The following MYO18A variants were observed in gnomAD, a reference collection of about 807,000 sequenced individuals.
The protein encoded by MYO18A is unconventional myosin-XVIIIa.
Under a neutral mutation model 235.8 loss-of-function variants are expected in MYO18A, and 78 were observed. The ratio of observed to expected loss-of-function variants is 0.33; its 90% CI spans 0.28 to 0.40. The LOEUF (loss-of-function observed/expected upper bound fraction) is 0.40, where lower values mean the gene tolerates loss of function less well. MYO18A is among the 10% of genes least tolerant of loss of function. The pLI is 1.00. For synonymous variants in MYO18A, 977 were observed against 1,077.8 expected (o/e 0.91, Z 1.83); for missense variants, 2,215 against 2,699.3 (o/e 0.82, Z 3.98).
At chr17:29,146,518 G>T (rs1314426696) in intron 2 of MYO18A, among the ~76,000 whole-genome samples, 1 of 152,150 alleles carries the variant, frequency 6.6e-6, no homozygotes, top group African/African-American at 2.4e-5. Flanking sequence ...CCCAGCACAT[G>T]ACTTCGCCCT....
chr17:29,075,943 T>C (rs1262621771), intron 41 of MYO18A: 7 of 154,122 alleles, frequency 4.5e-5, no homozygotes, highest in Non-Finnish European at 4.4e-5. Context: ...AGGAGTTCCA[T>C]GTTCCCTGCT....
At position 29,121,138 on chromosome 17, in the gene MYO18A, T is replaced by C. The variant is rs1215698575; in HGVS notation, c.1445A>G (p.Tyr482Cys). ...PHIYAVAQTA[Y>C]RAMLMSRQDQ... is the part of the protein sequence containing the mutation. Reference sequence around the variant, plus strand: ...CTGACGGCTCATCAGCATCGCCCTGTATGCGGTCTGGGCCACTGCATAGAT... The same window carrying C: ...CTGACGGCTCATCAGCATCGCCCTGCATGCGGTCTGGGCCACTGCATAGAT... Residue 482 changes from tyrosine (Y) to cysteine (C), a missense_variant, in exon 6 of 42, where the codon TAC (tyrosine) becomes TGC (cysteine). By Grantham distance (194) the Tyr-to-Cys change is radical. Coordinates refer to ENST00000527372, the MANE Select transcript of MYO18A (RefSeq NM_078471.4). This position sits in a 1 kb window ranked among gnomAD's most constrained non-coding sequence, Gnocchi z 4.2. 25 of 1,610,990 alleles carry C rather than the reference T, an allele frequency of 1.6e-5. No individual in the cohort carries two copies. Among genetic ancestry groups the C allele is most frequent in the Middle Eastern group, 1.6e-4 (1 of 6,082 alleles).
intron 1 of MYO18A, among the ~76,000 whole-genome samples, chr17:29,173,153 G>A (rs948331470): frequency 6.6e-6 from 1 of 150,484 alleles, no homozygotes; most frequent in East Asian, 2.0e-4. Context: ...GGAGTGCAAT[G>A]GCCCGATTTC....
chr17:29,087,488 G>C (rs760854625), intron 37 of MYO18A, among the ~76,000 whole-genome samples: 1 of 152,152 alleles, frequency 6.6e-6, no homozygotes, highest in African/African-American at 2.4e-5. Flanking sequence ...AGGGCTTCCC[G>C]CAGGGACTCT....
At chr17:29,084,609 A>G (rs114994371) in intron 40 of MYO18A, among the ~76,000 whole-genome samples, 2 of 152,112 alleles carry the variant, frequency 1.3e-5, no homozygotes, top group African/African-American at 4.8e-5. Flanking sequence ...GAACAAACAA[A>G]CGGAGACAGA....
chr17:29,118,403 C>T lies in MYO18A; in HGVS notation c.1867G>A (p.Val623Met). ...LHLNHLAENN[V>M]FGIVPLAKPE... ...TTGGCCAGTGGCACAATCCCAAACACATTGTTCTCTGCCAAGTGGTTGAGG... is the reference window on the plus strand; with the variant it reads ...TTGGCCAGTGGCACAATCCCAAACATATTGTTCTCTGCCAAGTGGTTGAGG... The change falls in exon 9 of 42, where the codon GTG becomes ATG. Residue 623 changes from valine (V) to methionine (M), a missense_variant. Transcript: ENST00000527372. This position sits in a 1 kb window ranked among gnomAD's most constrained non-coding sequence, Gnocchi z 4.2. 6.2e-7 allele frequency: 1 copy of T among 1,607,328 alleles called. No individual in the cohort carries two copies. Among genetic ancestry groups the T allele is most frequent in the Non-Finnish European group, 8.5e-7 (1 of 1,174,940 alleles).
intron 2 of MYO18A, among the ~76,000 whole-genome samples, chr17:29,163,771 C>T (rs1250326570): frequency 6.6e-6 from 1 of 152,242 alleles, no homozygotes; most frequent in African/African-American, 2.4e-5. Context: ...TGCTGTGGTT[C>T]AGCAGGGAGC....
chr17:29,080,308 G>A, intron 41 of MYO18A: 2 of 986,120 alleles, frequency 2.0e-6, no homozygotes, highest in Non-Finnish European at 2.4e-6. Context: ...ACGGCTGACG[G>A]AGCGGACGCT....
chr17:29,098,924 T>A lies in MYO18A; in HGVS notation c.3682A>T (p.Asn1228Tyr), dbSNP rs1368930968. Residue 1228 changes from asparagine (N) to tyrosine (Y), a missense_variant, in exon 23 of 42, where the codon AAC (asparagine) becomes TAC (tyrosine). Coordinates refer to ENST00000527372, the MANE Select transcript of MYO18A (RefSeq NM_078471.4). ...CAGGGCCAGTCCTTCACCCCTTTGT[T>A]CTTCTTGATGTTCTTCTGTACACAG... ...IRCVQKNIKKNKGVKDWPWWK... is the reference protein window; with the variant it reads ...IRCVQKNIKKYKGVKDWPWWK... 6.2e-7 allele frequency: 1 copy of A among 1,613,876 alleles called. No individual in the cohort carries two copies. The highest frequency in any genetic ancestry group is 8.5e-7 in the Non-Finnish European group (1 of 1,179,858).
Position 29,111,948 on chromosome 17 carries a change from C to T in MYO18A, c.2599-85G>A, listed in dbSNP as rs980296908. On this transcript the variant is annotated intron_variant, in intron 15 of 41. Coordinates refer to ENST00000527372, the MANE Select transcript of MYO18A (RefSeq NM_078471.4). The surrounding 1 kb of genome is among the most constrained non-coding windows in gnomAD (Gnocchi z 5.1). ...TGGTGCCGGGCCCAAACACACCCTACAGAATGCTACACATGTGCACACATG... is the reference window on the plus strand; with the variant it reads ...TGGTGCCGGGCCCAAACACACCCTATAGAATGCTACACATGTGCACACATG... The T allele has an allele frequency of 8.7e-6, 13 of 1,493,166 alleles. No individual in the cohort carries two copies. In the African/African-American group the frequency reaches 1.7e-4, roughly 19 times the overall value. The allele number at this position is 1,493,166 out of a possible 1,614,324, so 92.5% of individuals were successfully genotyped here.
intron 37 of MYO18A, among the ~76,000 whole-genome samples, chr17:29,088,408 A>T (rs2066313297): frequency 6.6e-6 from 1 of 151,994 alleles, no homozygotes; most frequent in African/African-American, 2.4e-5. Context: ...GAGAACTGTG[A>T]CCCCGCCTTG....
Position 29,125,854 on chromosome 17 carries a change from C to G in MYO18A, c.1000-3601G>C, listed in dbSNP as rs568004097. On this transcript the variant is annotated intron_variant, in intron 2 of 41. Transcript: ENST00000527372. The surrounding 1 kb of genome is among the most constrained non-coding windows in gnomAD (Gnocchi z 5.1). ...CCTGCCGCCAGCCTCAGGAAGAGGG[C>G]GGCCAGGGACTGGGACCCACACACA... 1.0e-6 allele frequency: 1 copy of G among 966,838 alleles called. No individual in the cohort carries two copies. The highest frequency in any genetic ancestry group is 6.2e-5 in the Admixed American group (1 of 16,242). 59.9% of individuals were successfully genotyped at this position (966,838 alleles called of 1,614,324 possible). A position where few individuals can be genotyped will look rare whatever the true frequency, so the allele number is the denominator to read the frequency against.
intron 2 of MYO18A, chr17:29,128,643 C>A: frequency 1.1e-6 from 1 of 924,582 alleles, no homozygotes; most frequent in East Asian, 6.7e-5. Flanking sequence ...CGCCCTGGAA[C>A]AGATCTCCCA....
chr17:29,142,980 G>T (rs56179818), intron 2 of MYO18A, among the ~76,000 whole-genome samples: 4,752 of 152,186 alleles, frequency 0.031, 175 homozygotes, highest in African/African-American at 0.088. Flanking sequence ...GCTAATTTTT[G>T]TATTTTTAGT....
At position 29,092,327 on chromosome 17, in the gene MYO18A, C is replaced by G; in HGVS notation, c.5187+16G>C. ...TCAGCCCCCCGAGCTCTGCCCCGGGCACCTTGGCCCCTCACCGCTGTCTTG... is the reference window on the plus strand; with the variant it reads ...TCAGCCCCCCGAGCTCTGCCCCGGGGACCTTGGCCCCTCACCGCTGTCTTG... On this transcript the variant is annotated intron_variant, in intron 34 of 41. Transcript: ENST00000527372. 3 of 1,599,018 alleles carry G rather than the reference C, an allele frequency of 1.9e-6. No individual in the cohort carries two copies. The highest frequency in any genetic ancestry group is 2.6e-6 in the Non-Finnish European group (3 of 1,172,908).
intron 41 of MYO18A, chr17:29,080,787 C>T: frequency 3.0e-6 from 3 of 985,496 alleles, no homozygotes; most frequent in Non-Finnish European, 3.6e-6. Flanking sequence ...GCTCCTCGGA[C>T]TTCCTGCCTG....
In MYO18A at chr17:29,178,244, G is replaced by A. The variant is rs577077325; in HGVS notation, c.-82+2069C>T. Among the ~76,000 whole-genome samples the A allele has an allele frequency of 3.3e-5, 5 of 152,268 alleles. No individual in the cohort carries two copies. In the East Asian group the frequency reaches 9.7e-4, roughly 29 times the overall value. ...CACATGAGGAAAGTCTGGGGCGCAG[G>A]AGGAAGCCCTCAGGCACACACTCTG... On this transcript the variant is annotated intron_variant, in intron 1 of 41. Transcript: ENST00000527372.
intron 12 of MYO18A, 69 bp from the exon 13 acceptor site, chr17:29,115,510 T>C: frequency 6.5e-7 from 1 of 1,549,862 alleles, no homozygotes; most frequent in Non-Finnish European, 8.8e-7. Context: ...GCCCCTGACC[T>C]GCCCAGGGCC....
At chr17:29,134,214 G>A (rs1029163139) in intron 2 of MYO18A, among the ~76,000 whole-genome samples, 2 of 152,100 alleles carry the variant, frequency 1.3e-5, no homozygotes, top group Non-Finnish European at 2.9e-5. Flanking sequence ...TGATTCTCCT[G>A]CCTCAGCCTC....
Sources: allele counts gnomAD v4.1 joint callset (sites outside exome capture counted in the v4.1 genomes callset), GRCh38; gene constraint gnomAD v4.1.1; non-coding constraint Gnocchi (gnomAD v3.1); transcripts MANE v1.5; gene names NCBI Gene and HGNC (gene_info 2026-07-23, HGNC 2026-07-21).